The following DUSP16 variants were observed in gnomAD, a reference collection of about 807,000 sequenced individuals.
DUSP16 encodes dual specificity protein phosphatase 16.
Under a neutral mutation model 58.3 loss-of-function variants are expected in DUSP16, and 21 were observed. The ratio of observed to expected loss-of-function variants is 0.36; its 90% CI spans 0.26 to 0.52. The LOEUF (loss-of-function observed/expected upper bound fraction) is 0.52. DUSP16 is among the 20% of genes least tolerant of loss of function. DUSP16 has a pLI of 0.94. For synonymous variants in DUSP16, 320 were observed against 323.8 expected, an observed-to-expected ratio of 0.99 and a Z score of 0.12; for missense variants, 726 against 819.0, an observed-to-expected ratio of 0.89 and a Z score of 1.39.
At chr12:12,547,353 CG>C (rs1382376227) in intron 1 of DUSP16, among the ~76,000 whole-genome samples, 1 of 150,424 alleles carries the variant, frequency 6.6e-6, no homozygotes, top group Non-Finnish European at 1.5e-5. Context: ...CGCTTGAACC[CG>C]GGTGGAGGTT....
rs1238053976 is a variant in DUSP16 at position 12,494,908 on chromosome 12, C to A, written c.531+5611G>T. Reference sequence around the variant, plus strand: ...AAAGGATCTCTTCTTGGAAACAATTCATTAGTGGTTAGTGTGGAATCTCAG... The same window carrying A: ...AAAGGATCTCTTCTTGGAAACAATTAATTAGTGGTTAGTGTGGAATCTCAG... On this transcript the variant is annotated intron_variant, in intron 4 of 6. Transcript: ENST00000298573. Among the ~76,000 whole-genome samples the A allele has an allele frequency of 3.9e-5, 6 of 152,260 alleles. No homozygotes were observed. In the South Asian group the frequency reaches 8.3e-4, roughly 21 times the overall value.
chr12:12,487,235 CATG>C lies in DUSP16; in HGVS notation c.532-51_532-49del, dbSNP rs767400862. On this transcript the variant is annotated intron_variant, in intron 4 of 6. Coordinates refer to ENST00000298573, the MANE Select transcript of DUSP16 (RefSeq NM_030640.3). ...TTAAAGTGACTAATAATATAGTAAA[CATG>C]ATCATTCTGAAAGAGTGAAGTTTAA... 7.6e-6 allele frequency: 12 copies of C among 1,576,752 alleles called. No homozygotes were observed. In the African/African-American group the frequency reaches 1.4e-4, roughly 18 times the overall value.
intron 1 of DUSP16, among the ~76,000 whole-genome samples, chr12:12,536,385 T>C (rs1944462724): frequency 6.6e-6 from 1 of 152,240 alleles, no homozygotes; most frequent in Non-Finnish European, 1.5e-5. Context: ...AAATGAGCAC[T>C]ATGTACAGGC....
intron 3 of DUSP16, among the ~76,000 whole-genome samples, chr12:12,507,852 G>C (rs1428980221): frequency 6.6e-6 from 1 of 152,220 alleles, no homozygotes; most frequent in Non-Finnish European, 1.5e-5. Flanking sequence ...CAGGTGATCA[G>C]CCCGCCTTGG....
At chr12:12,510,632 G>A (rs539087168) in intron 3 of DUSP16, among the ~76,000 whole-genome samples, 1 of 152,336 alleles carries the variant, frequency 6.6e-6, no homozygotes, top group Admixed American at 6.5e-5. Flanking sequence ...GCTAGGTAAT[G>A]GAACAGTGGT....
intron 4 of DUSP16, 55 bp from the exon 5 acceptor site, chr12:12,487,242 A>AT: frequency 6.4e-7 from 1 of 1,562,692 alleles, no homozygotes. Context: ...AAACATGATC[A>AT]TTCTGAAAGA....
intron 3 of DUSP16, among the ~76,000 whole-genome samples, chr12:12,502,701 AC>A (rs200847433): frequency 0.032 from 4,850 of 151,826 alleles, 121 homozygotes; most frequent in Non-Finnish European, 0.053. Flanking sequence ...ACAGGTATGC[AC>A]CACCACCCTC....
In DUSP16 at chr12:12,562,544, A is replaced by G. The variant is rs1417403955; in HGVS notation, c.-793T>C. On this transcript the variant is annotated 5_prime_UTR_variant, in exon 1 of 7. Coordinates refer to ENST00000298573, the MANE Select transcript of DUSP16 (RefSeq NM_030640.3). Reference sequence around the variant, plus strand: ...TAAAGCCCCCCAAACACTGATACATAGAAAGAGGGGGAAAGGCGGGGGGGT... The same window carrying G: ...TAAAGCCCCCCAAACACTGATACATGGAAAGAGGGGGAAAGGCGGGGGGGT... Among the ~76,000 whole-genome samples, 1 of 102,912 alleles carries G rather than the reference A, an allele frequency of 9.7e-6. No individual in the cohort carries two copies. The highest frequency in any genetic ancestry group is 1.8e-5 in the Non-Finnish European group (1 of 54,158). 67.5% of individuals were successfully genotyped at this position (102,912 alleles called of 152,430 possible).
At chr12:12,486,481 AGT>A (rs56941943) in intron 5 of DUSP16, among the ~76,000 whole-genome samples, 11,350 of 147,214 alleles carry the variant, frequency 0.077, 637 homozygotes, top group East Asian at 0.28. Flanking sequence ...ACCAAATGAG[AGT>A]GTGTGTGTGT....
At position 12,536,151 on chromosome 12, in the gene DUSP16, T is replaced by C. The variant is rs60587177; in HGVS notation, c.-365-14688A>G. ...TAGTTGCCTATGGATGCGCTCAGTC[T>C]AGAATGGTAACTATAAAACCTGAGA... On this transcript the variant is annotated intron_variant, in intron 1 of 6. Coordinates refer to ENST00000298573, the MANE Select transcript of DUSP16 (RefSeq NM_030640.3). Among the ~76,000 whole-genome samples the C allele has an allele frequency of 4.0e-3, 605 of 152,300 alleles. 8 individuals are homozygous for C. Among genetic ancestry groups the C allele is most frequent in the African/African-American group, 0.014 (567 of 41,550 alleles).
At chr12:12,491,723 C>G (rs1372562367) in intron 4 of DUSP16, 1 of 152,200 alleles carries the variant, frequency 6.6e-6, no homozygotes, top group African/African-American at 2.4e-5. Context: ...CCTCACAGTT[C>G]TTTGAACTCC....
intron 1 of DUSP16, among the ~76,000 whole-genome samples, chr12:12,555,716 C>A (rs1047214324): frequency 6.6e-6 from 1 of 152,232 alleles, no homozygotes; most frequent in South Asian, 2.1e-4. Flanking sequence ...ATTACACATA[C>A]CACAGACCCA....
intron 1 of DUSP16, among the ~76,000 whole-genome samples, chr12:12,543,198 G>C (rs1365306707): frequency 6.6e-6 from 1 of 152,196 alleles, no homozygotes; most frequent in Non-Finnish European, 1.5e-5. Context: ...AAATACACGT[G>C]TGGGCTAGTT....
At chr12:12,554,555 A>G (rs373121432) in intron 1 of DUSP16, 47 of 152,254 alleles carry the variant, frequency 3.1e-4, no homozygotes, top group African/African-American at 1.0e-3. Flanking sequence ...AGCTTCAACA[A>G]TTTTCAAAAA....
At chr12:12,494,197 A>G (rs1478620732) in intron 4 of DUSP16, among the ~76,000 whole-genome samples, 2 of 152,226 alleles carry the variant, frequency 1.3e-5, no homozygotes, top group African/African-American at 2.4e-5. Context: ...ATAATTTAAA[A>G]AAGACTGTTT....
intron 3 of DUSP16, among the ~76,000 whole-genome samples, chr12:12,516,785 T>C (rs912835854): frequency 6.6e-6 from 1 of 152,226 alleles, no homozygotes; most frequent in Non-Finnish European, 1.5e-5. Context: ...TGATAAATCA[T>C]AGGAAATATA....
Position 12,539,217 on chromosome 12 carries a change from G to A in DUSP16, c.-365-17754C>T, listed in dbSNP as rs188699621. Among the ~76,000 whole-genome samples, 4 of 152,226 alleles carry A rather than the reference G, an allele frequency of 2.6e-5. No homozygotes were observed. The East Asian group carries it at 5.8e-4, about 22-fold the overall frequency. Reference sequence around the variant, plus strand: ...ACACTGTGATTAATCTATTGCTTACGATGTTTTATATGTTGAAAGTCTGGA... The same window carrying A: ...ACACTGTGATTAATCTATTGCTTACAATGTTTTATATGTTGAAAGTCTGGA... On this transcript the variant is annotated intron_variant, in intron 1 of 6. Transcript: ENST00000298573.
intron 4 of DUSP16, among the ~76,000 whole-genome samples, chr12:12,493,203 C>T (rs1272461653): frequency 1.3e-5 from 2 of 152,190 alleles, no homozygotes; most frequent in African/African-American, 4.8e-5. Context: ...CCAGAACTGA[C>T]TCCTGCCCTT....
chr12:12,478,336 CT>C (rs541835613), intron 6 of DUSP16, among the ~76,000 whole-genome samples: 338 of 143,760 alleles, frequency 2.4e-3, no homozygotes, highest in Admixed American at 2.6e-3. Flanking sequence ...TGGTGGTGGT[CT>C]TTTTTTTTTT....
Sources: allele counts gnomAD v4.1 joint callset (sites outside exome capture counted in the v4.1 genomes callset), GRCh38; gene constraint gnomAD v4.1.1; transcripts MANE v1.5; gene names NCBI Gene and HGNC (gene_info 2026-07-23, HGNC 2026-07-21).